The following SATB2 variants were observed in gnomAD, a reference collection of about 807,000 sequenced individuals.
The protein encoded by SATB2 is DNA-binding protein SATB2.
In SATB2, 1 loss-of-function variant was observed where a neutral mutation model predicts 73.4. The ratio of observed to expected loss-of-function variants is 0.01; its 90% confidence interval spans 0.00 to 0.06. The LOEUF is 0.06. Among genes scored for constraint, SATB2 ranks in the 10% least tolerant of loss-of-function variants. The probability of loss-of-function intolerance (pLI) is 1.00; values close to 1 mark genes in which losing one functional copy is unlikely to be tolerated. For missense variants in SATB2, 459 were observed against 945.8 expected, an observed-to-expected ratio of 0.49 and a Z score of 6.75; for synonymous variants, 397 against 367.0, an observed-to-expected ratio of 1.08 and a Z score of -0.93.
Position 199,373,330 on chromosome 2 carries a change from A to G in SATB2, c.598-4623T>C, listed in dbSNP as rs550583319. 7.9e-5 allele frequency among the ~76,000 whole-genome samples: 12 copies of G among 152,230 alleles called. No individual in the cohort carries two copies. In the East Asian group the frequency reaches 2.3e-3, roughly 29 times the overall value. On this transcript the variant is annotated intron_variant, in intron 5 of 10. Transcript: ENST00000417098. Reference sequence around the variant, plus strand: ...AACATGAGAATATAATGATACTTCAATTAGGTAATGGGAAAAAAACTGATT... The same window carrying G: ...AACATGAGAATATAATGATACTTCAGTTAGGTAATGGGAAAAAAACTGATT...
At chr2:199,428,366 A>AAT (rs1691397774) in intron 3 of SATB2, among the ~76,000 whole-genome samples, 1 of 152,202 alleles carries the variant, frequency 6.6e-6, no homozygotes, top group Admixed American at 6.5e-5. Context: ...ATCATTATCA[A>AAT]ATATATATAA....
At chr2:199,386,654 T>G (rs1689942543) in intron 3 of SATB2, among the ~76,000 whole-genome samples, 1 of 151,036 alleles carries the variant, frequency 6.6e-6, no homozygotes, top group African/African-American at 2.4e-5. Context: ...TGAGAAAAAC[T>G]AGTGATGATT....
chr2:199,409,168 T>TC (rs1690731757), intron 3 of SATB2, among the ~76,000 whole-genome samples: 1 of 60,304 alleles, frequency 1.7e-5, no homozygotes, highest in Non-Finnish European at 6.4e-5. Flanking sequence ...TTTTCTTTTC[T>TC]TTTTTTTTTT....
At chr2:199,470,862 C>T (rs1402632067) in intron 1 of SATB2, 1 of 152,352 alleles carries the variant, frequency 6.6e-6, no homozygotes, top group Non-Finnish European at 1.5e-5. Flanking sequence ...GCTGGCGACC[C>T]CGCTCACGTG....
At chr2:199,442,032 C>T (rs1446816528) in intron 2 of SATB2, among the ~76,000 whole-genome samples, 1 of 152,130 alleles carries the variant, frequency 6.6e-6, no homozygotes, top group East Asian at 1.9e-4. Flanking sequence ...AGGAGAGGCC[C>T]ACCGTTTTCC....
At chr2:199,313,532 C>CG (rs1559156255) in intron 9 of SATB2, among the ~76,000 whole-genome samples, 1 of 152,120 alleles carries the variant, frequency 6.6e-6, no homozygotes, top group Non-Finnish European at 1.5e-5. Flanking sequence ...ATATATTTCC[C>CG]TCAGTAGAAA....
At chr2:199,406,294 T>C (rs1419967479) in intron 3 of SATB2, among the ~76,000 whole-genome samples, 1 of 152,182 alleles carries the variant, frequency 6.6e-6, no homozygotes. Flanking sequence ...CTAAACATGG[T>C]AGAAAGTTAA....
At chr2:199,330,818 G>A (rs2105797999) in intron 7 of SATB2, among the ~76,000 whole-genome samples, 1 of 152,258 alleles carries the variant, frequency 6.6e-6, no homozygotes, top group Admixed American at 6.5e-5. Context: ...CACTAAGGTT[G>A]ATATTTTTTG....
intron 2 of SATB2, among the ~76,000 whole-genome samples, chr2:199,442,983 C>G (rs2105940374): frequency 6.7e-6 from 1 of 148,620 alleles, no homozygotes; most frequent in East Asian, 2.0e-4. Context: ...GGTTTCTGTC[C>G]TTTGTTAAGT....
chr2:199,334,437 C>T (rs1015153638), intron 7 of SATB2, among the ~76,000 whole-genome samples: 1 of 152,086 alleles, frequency 6.6e-6, no homozygotes, highest in Non-Finnish European at 1.5e-5. Context: ...AAAGTTAAAA[C>T]AAATCACATC....
intron 10 of SATB2, among the ~76,000 whole-genome samples, chr2:199,281,531 A>C (rs1002373036): frequency 1.3e-5 from 2 of 152,118 alleles, no homozygotes; most frequent in African/African-American, 4.8e-5. Context: ...CAATTGGTTG[A>C]AAGTCCTTAT....
intron 3 of SATB2, among the ~76,000 whole-genome samples, chr2:199,409,389 C>T (rs1054839581): frequency 1.9e-4 from 29 of 152,116 alleles, no homozygotes; most frequent in Admixed American, 1.1e-3. Flanking sequence ...AGGCTGGTCC[C>T]GAACTCCGGA....
intron 6 of SATB2, among the ~76,000 whole-genome samples, chr2:199,355,060 C>A (rs765165220): frequency 5.8e-4 from 88 of 151,808 alleles, no homozygotes; most frequent in Non-Finnish European, 9.3e-4. Flanking sequence ...ACACTTGTTA[C>A]GGTACATCCA....
At chr2:199,283,698 G>A (rs1232402079) in intron 10 of SATB2, among the ~76,000 whole-genome samples, 3 of 151,982 alleles carry the variant, frequency 2.0e-5, no homozygotes, top group East Asian at 3.9e-4. Context: ...AATGGTCCAG[G>A]CAGTTGTATT....
chr2:199,304,043 C>A (rs1311897051), intron 10 of SATB2, among the ~76,000 whole-genome samples: 1 of 152,140 alleles, frequency 6.6e-6, no homozygotes, highest in African/African-American at 2.4e-5. Context: ...ATAGCATGAG[C>A]AATGTCCTTT....
intron 10 of SATB2, among the ~76,000 whole-genome samples, chr2:199,279,756 A>G (rs2105719928): frequency 6.6e-6 from 1 of 152,326 alleles, no homozygotes; most frequent in Non-Finnish European, 1.5e-5. Flanking sequence ...AATTATTTTG[A>G]CTTGTTGTCC....
chr2:199,341,332 C>T (rs551938484), intron 7 of SATB2, among the ~76,000 whole-genome samples: 17 of 152,326 alleles, frequency 1.1e-4, no homozygotes, highest in African/African-American at 3.6e-4. Flanking sequence ...GATACAGCTG[C>T]TTATTCCCAC....
At chr2:199,393,122 C>G (rs2105883431) in intron 3 of SATB2, among the ~76,000 whole-genome samples, 1 of 152,206 alleles carries the variant, frequency 6.6e-6, no homozygotes, top group Admixed American at 6.5e-5. Context: ...CAGGGACCAC[C>G]CACCCTCTGC....
chr2:199,443,021 ATTT>A (rs10673737), intron 2 of SATB2, among the ~76,000 whole-genome samples: 1 of 133,586 alleles, frequency 7.5e-6, no homozygotes. Context: ...GTTTCTGAGA[ATTT>A]TTTTTTTTTT....
Sources: allele counts gnomAD v4.1 joint callset (sites outside exome capture counted in the v4.1 genomes callset), GRCh38; gene constraint gnomAD v4.1.1; transcripts MANE v1.5; gene names NCBI Gene and HGNC (gene_info 2026-07-23, HGNC 2026-07-21).